The following DOK5 variants were observed in gnomAD, a reference collection of about 807,000 sequenced individuals.
DOK5 encodes docking protein 5.
DOK5 carries 27 observed loss-of-function variants against 43.3 expected under a neutral mutation model. The observed-to-expected ratio is 0.62, with a 90% confidence interval of 0.46 to 0.86. The LOEUF (loss-of-function observed/expected upper bound fraction) is 0.86. DOK5 is among the 40% of genes least tolerant of loss of function. The pLI is 0.00. For synonymous variants in DOK5, 146 were observed against 140.1 expected (o/e 1.04, Z -0.30); for missense variants, 373 against 392.9 (o/e 0.95, Z 0.43).
intron 1 of DOK5, among the ~76,000 whole-genome samples, chr20:54,505,450 A>G (rs73911917): frequency 0.011 from 1,628 of 152,246 alleles, 28 homozygotes; most frequent in African/African-American, 0.035. Context: ...TATAAATTCA[A>G]TTCCCAAATG....
At chr20:54,520,035 C>A (rs961702042) in intron 1 of DOK5, among the ~76,000 whole-genome samples, 1 of 152,182 alleles carries the variant, frequency 6.6e-6, no homozygotes, top group Non-Finnish European at 1.5e-5. Flanking sequence ...TGCAGCTTCA[C>A]TGAACATTTG....
chr20:54,607,423 T>TGTG (rs1346044034), intron 5 of DOK5, among the ~76,000 whole-genome samples: 3 of 151,798 alleles, frequency 2.0e-5, no homozygotes, highest in African/African-American at 4.8e-5. Flanking sequence ...TGTGTGTGTG[T>TGTG]GTGTGTGTGT....
chr20:54,626,087 A>G (rs1987120585), intron 6 of DOK5, among the ~76,000 whole-genome samples: 2 of 152,146 alleles, frequency 1.3e-5, no homozygotes, highest in African/African-American at 4.8e-5. Context: ...CTGACCAGAC[A>G]CTCTAAAATC....
intron 5 of DOK5, among the ~76,000 whole-genome samples, chr20:54,595,149 G>A (rs1037690758): frequency 2.6e-5 from 4 of 152,136 alleles, no homozygotes; most frequent in South Asian, 2.1e-4. Flanking sequence ...AGACCATCCT[G>A]GCTAACACGG....
At chr20:54,606,333 T>A (rs2146788445) in intron 5 of DOK5, among the ~76,000 whole-genome samples, 1 of 152,252 alleles carries the variant, frequency 6.6e-6, no homozygotes, top group South Asian at 2.1e-4. Context: ...GTACGGAGTG[T>A]TTGGGCCACT....
intron 1 of DOK5, among the ~76,000 whole-genome samples, chr20:54,496,765 CAAAAAAAAAA>C (rs74179280): frequency 1.7e-5 from 1 of 59,508 alleles, no homozygotes; most frequent in African/African-American, 5.0e-5. Flanking sequence ...GACTCCGTCT[CAAAAAAAAAA>C]AAAAAAAAAA....
chr20:54,616,778 TTTTTTC>T (rs1188737679), intron 6 of DOK5, among the ~76,000 whole-genome samples: 1 of 116,914 alleles, frequency 8.6e-6, no homozygotes, highest in African/African-American at 5.0e-5. Context: ...TTCTTTTTTT[TTTTTTC>T]TTTTTTTTTT....
intron 1 of DOK5, among the ~76,000 whole-genome samples, chr20:54,518,634 A>G (rs965604476): frequency 6.6e-6 from 1 of 152,230 alleles, no homozygotes; most frequent in Non-Finnish European, 1.5e-5. Flanking sequence ...CTTTGGGTAT[A>G]TACCCAATAA....
At chr20:54,510,100 G>A (rs112700642) in intron 1 of DOK5, among the ~76,000 whole-genome samples, 134 of 152,046 alleles carry the variant, frequency 8.8e-4, no homozygotes, top group African/African-American at 3.2e-3. Flanking sequence ...CACATGTACC[G>A]CAGAACTAAA....
intron 1 of DOK5, among the ~76,000 whole-genome samples, chr20:54,484,462 G>A (rs1434126291): frequency 6.6e-6 from 1 of 151,980 alleles, no homozygotes; most frequent in East Asian, 1.9e-4. Flanking sequence ...ATATGTAGTT[G>A]TAAGAAATAA....
chr20:54,581,391 G>GAAAAAAAAA (rs59020203), intron 2 of DOK5, among the ~76,000 whole-genome samples: 1 of 140,632 alleles, frequency 7.1e-6, no homozygotes, highest in African/African-American at 2.5e-5. Context: ...TCCTATTTCT[G>GAAAAAAAAA]AAAAAAAAAA....
chr20:54,641,759 A>G (rs1979128819), intron 6 of DOK5, among the ~76,000 whole-genome samples: 1 of 152,180 alleles, frequency 6.6e-6, no homozygotes, highest in Non-Finnish European at 1.5e-5. Flanking sequence ...TCGTGGTACG[A>G]CATATAAATG....
intron 2 of DOK5, among the ~76,000 whole-genome samples, chr20:54,560,316 C>T (rs1043640753): frequency 2.6e-5 from 4 of 152,166 alleles, no homozygotes; most frequent in African/African-American, 9.7e-5. Flanking sequence ...TAAGAAACTA[C>T]CCACCATGCC....
chr20:54,544,374 G>A (rs545883471), intron 1 of DOK5, among the ~76,000 whole-genome samples: 1 of 152,142 alleles, frequency 6.6e-6, no homozygotes, highest in East Asian at 1.9e-4. Flanking sequence ...TTATGACTGG[G>A]GGAGGCCCTA....
At chr20:54,500,331 G>T (rs544669976) in intron 1 of DOK5, among the ~76,000 whole-genome samples, 2 of 151,810 alleles carry the variant, frequency 1.3e-5, no homozygotes. Context: ...CACTGGACAC[G>T]AAAAAAATAG....
chr20:54,595,121 C>A (rs1986096969), intron 5 of DOK5, among the ~76,000 whole-genome samples: 1 of 152,152 alleles, frequency 6.6e-6, no homozygotes, highest in Non-Finnish European at 1.5e-5. Context: ...GCGGGCAGAT[C>A]ACGAGGTCAG....
chr20:54,548,908 T>A (rs1450276196), intron 1 of DOK5, among the ~76,000 whole-genome samples: 1 of 152,208 alleles, frequency 6.6e-6, no homozygotes, highest in Non-Finnish European at 1.5e-5. Flanking sequence ...GCTCTTCTCG[T>A]GTTCTTAGGA....
intron 2 of DOK5, among the ~76,000 whole-genome samples, chr20:54,575,485 G>A (rs931697634): frequency 3.7e-4 from 57 of 152,172 alleles, no homozygotes; most frequent in African/African-American, 1.3e-3. Context: ...CTGTCACCCA[G>A]GCTGGAGTGC....
intron 6 of DOK5, among the ~76,000 whole-genome samples, chr20:54,634,303 A>G (rs1026170902): frequency 6.7e-6 from 1 of 148,698 alleles, no homozygotes; most frequent in African/African-American, 2.5e-5. Flanking sequence ...TGTTAATGAC[A>G]ATAATGACGG....
Sources: allele counts gnomAD v4.1 joint callset (sites outside exome capture counted in the v4.1 genomes callset), GRCh38; gene constraint gnomAD v4.1.1; transcripts MANE v1.5; gene names NCBI Gene and HGNC (gene_info 2026-07-23, HGNC 2026-07-21).